The following SLIT3 variants were observed in gnomAD, a reference collection of about 807,000 sequenced individuals.
The protein encoded by SLIT3 is slit homolog 3 protein.
In SLIT3, 68 loss-of-function variants were observed where a neutral mutation model predicts 184.0. The ratio of observed to expected loss-of-function variants is 0.37; its 90% CI spans 0.30 to 0.45. The LOEUF is 0.45. SLIT3 is among the 20% of genes least tolerant of loss of function. SLIT3 has a pLI of 1.00. For synonymous variants in SLIT3, 831 were observed against 828.6 expected (o/e 1.00, Z -0.05); for missense variants, 1,707 against 2,026.0 (o/e 0.84, Z 3.02).
intron 4 of SLIT3, chr5:169,030,395 A>C (rs1390620179): frequency 3.3e-5 from 5 of 152,118 alleles, no homozygotes; most frequent in South Asian, 2.1e-4. Flanking sequence ...GATGGGGGCC[A>C]CTGAGGCTTT....
chr5:168,789,297 T>G, intron 11 of SLIT3, among the ~76,000 whole-genome samples: 1 of 151,394 alleles, frequency 6.6e-6, no homozygotes. Flanking sequence ...GAGGTTGGAG[T>G]AGAAGATGCA....
rs78055301 is a variant in SLIT3, at chr5:168,874,539, T to C, written c.485+8726A>G. On this transcript the variant is annotated intron_variant, in intron 5 of 35. Coordinates refer to ENST00000519560, the MANE Select transcript of SLIT3 (RefSeq NM_003062.4). ...CTATAGGAGGAGGAGGACAGCTGAG[T>C]AGACAGTTATAACGCAGGGAGGGGT... 2.6e-3 allele frequency among the ~76,000 whole-genome samples: 398 copies of C among 152,306 alleles called. 1 individual carries two copies. The highest frequency in any genetic ancestry group is 9.4e-3 in the African/African-American group (390 of 41,562).
chr5:169,162,724 T>G (rs1476283278), intron 4 of SLIT3, among the ~76,000 whole-genome samples: 2 of 152,196 alleles, frequency 1.3e-5, no homozygotes, highest in Non-Finnish European at 2.9e-5. Flanking sequence ...TTAATCTCAC[T>G]GGGCCTGGCT....
chr5:168,945,832 G>C (rs1037336367), intron 4 of SLIT3, among the ~76,000 whole-genome samples: 1 of 152,166 alleles, frequency 6.6e-6, no homozygotes, highest in East Asian at 1.9e-4. Flanking sequence ...CAAAGAAAGA[G>C]GGCAGTGGTT....
chr5:168,981,148 A>AT (rs1355219130), intron 4 of SLIT3, among the ~76,000 whole-genome samples: 1 of 152,340 alleles, frequency 6.6e-6, no homozygotes, highest in East Asian at 1.9e-4. Context: ...TCAATGTATG[A>AT]TTTTGTCATT....
intron 7 of SLIT3, among the ~76,000 whole-genome samples, chr5:168,819,458 G>A (rs780527793): frequency 1.1e-4 from 16 of 152,166 alleles, no homozygotes; most frequent in Admixed American, 3.3e-4. Context: ...TTTGTGTGCC[G>A]GGAGAAGCAG....
intron 4 of SLIT3, among the ~76,000 whole-genome samples, chr5:169,070,751 G>C (rs1478280148): frequency 6.9e-6 from 1 of 144,768 alleles, no homozygotes; most frequent in Non-Finnish European, 1.5e-5. Flanking sequence ...GAATTCCATA[G>C]TGCTGTCTAC....
intron 35 of SLIT3, among the ~76,000 whole-genome samples, chr5:168,667,047 TA>T (rs1761080004): frequency 6.6e-6 from 1 of 152,162 alleles, no homozygotes; most frequent in African/African-American, 2.4e-5. Context: ...TACATGTGCC[TA>T]AAAATTAATT....
intron 4 of SLIT3, among the ~76,000 whole-genome samples, chr5:169,107,316 G>C (rs563525860): frequency 4.6e-5 from 7 of 152,110 alleles, no homozygotes; most frequent in Non-Finnish European, 1.0e-4. Context: ...AAAATCAAGC[G>C]TCCCTCTTGA....
chr5:168,677,028 A>G (rs1761435158), intron 32 of SLIT3, among the ~76,000 whole-genome samples: 1 of 152,190 alleles, frequency 6.6e-6, no homozygotes, highest in South Asian at 2.1e-4. Context: ...CTCTTGCCCT[A>G]GACAAAGTGC....
At chr5:169,141,880 T>A (rs1161404374) in intron 4 of SLIT3, among the ~76,000 whole-genome samples, 1 of 150,598 alleles carries the variant, frequency 6.6e-6, no homozygotes, top group Non-Finnish European at 1.5e-5. Flanking sequence ...TGAAAACCCA[T>A]CTCTACTAAA....
intron 32 of SLIT3, among the ~76,000 whole-genome samples, chr5:168,677,641 G>GT (rs1761455676): frequency 6.6e-6 from 1 of 152,124 alleles, no homozygotes; most frequent in Non-Finnish European, 1.5e-5. Flanking sequence ...TAGAGATGGG[G>GT]TTTTGCCATG....
At position 169,295,395 on chromosome 5, in the gene SLIT3, G is replaced by A. The variant is rs187523376; in HGVS notation, c.197+5118C>T. ...ATCACAGCAATGAGTGAACAACATG[G>A]TAGGCACCGTGCTGAGCACATTACA... On this transcript the variant is annotated intron_variant, in intron 1 of 35. Transcript: ENST00000519560. Among the ~76,000 whole-genome samples the A allele has an allele frequency of 2.0e-5, 3 of 152,396 alleles. No individual in the cohort carries two copies. The East Asian group carries it at 5.8e-4, about 29-fold the overall frequency.
intron 7 of SLIT3, among the ~76,000 whole-genome samples, chr5:168,820,632 T>G (rs1757498541): frequency 6.6e-6 from 1 of 152,306 alleles, no homozygotes. Context: ...AGTTTCTCAT[T>G]TAGATACTGT....
intron 5 of SLIT3, among the ~76,000 whole-genome samples, chr5:168,859,172 G>C (rs547715353): frequency 6.6e-6 from 1 of 152,172 alleles, no homozygotes; most frequent in Non-Finnish European, 1.5e-5. Flanking sequence ...GAAGCAGGGG[G>C]TGGAGGGACG....
chr5:168,735,661 T>TACAC (rs150528782), intron 20 of SLIT3, among the ~76,000 whole-genome samples: 9,424 of 142,014 alleles, frequency 0.066, 372 homozygotes, highest in Non-Finnish European at 0.091. Flanking sequence ...GACAGATAGA[T>TACAC]ACACACACAC....
rs1253634778 is a variant in SLIT3, at chr5:168,950,546, T to C, written c.414-67210A>G. 4.6e-5 allele frequency among the ~76,000 whole-genome samples: 7 copies of C among 152,220 alleles called. 1 individual carries two copies. Among genetic ancestry groups the C allele is most frequent in the Admixed American group, 3.9e-4 (6 of 15,288 alleles). On this transcript the variant is annotated intron_variant, in intron 4 of 35. Coordinates refer to ENST00000519560, the MANE Select transcript of SLIT3 (RefSeq NM_003062.4). ...TCTGTTTCTAGGAAAAAAGCAGCCA[T>C]TGATAGTACCAAATGAATGAACTCT...
chr5:168,774,429 C>T (rs148256714), intron 12 of SLIT3, 51 bp from the exon 13 acceptor site: 990 of 1,560,686 alleles, frequency 6.3e-4, no homozygotes, highest in African/African-American at 7.9e-4. Context: ...TAATTACCTG[C>T]GGGGCAAGGG....
chr5:168,989,903 TCTAA>T (rs1398264736), intron 4 of SLIT3, among the ~76,000 whole-genome samples: 4 of 152,204 alleles, frequency 2.6e-5, no homozygotes, highest in Admixed American at 6.5e-5. Flanking sequence ...CCCTTTTATC[TCTAA>T]CAGTTCTGTG....
Sources: allele counts gnomAD v4.1 joint callset (sites outside exome capture counted in the v4.1 genomes callset), GRCh38; gene constraint gnomAD v4.1.1; transcripts MANE v1.5; gene names NCBI Gene and HGNC (gene_info 2026-07-23, HGNC 2026-07-21).